The following RORB variants were observed in gnomAD, a reference collection of about 807,000 sequenced individuals.
The protein encoded by RORB is nuclear receptor ROR-beta.
In RORB, 6 loss-of-function variants were observed where a neutral mutation model predicts 59.1. That is an observed-to-expected ratio of 0.10 (90% confidence interval 0.06 to 0.20). The LOEUF is 0.20. Among genes scored for constraint, RORB ranks in the 10% least tolerant of loss-of-function variants. The pLI is 1.00. For synonymous variants in RORB, 215 were observed against 204.5 expected, an observed-to-expected ratio of 1.05 and a Z score of -0.44; for missense variants, 320 against 560.5, an observed-to-expected ratio of 0.57 and a Z score of 4.33.
At chr9:74,579,632 A>G (rs1397961004) in intron 1 of RORB, among the ~76,000 whole-genome samples, 1 of 152,136 alleles carries the variant, frequency 6.6e-6, no homozygotes, top group African/African-American at 2.4e-5. Flanking sequence ...GCAAACCTGA[A>G]CTTGAGAAAC....
intron 1 of RORB, among the ~76,000 whole-genome samples, chr9:74,559,230 T>A (rs982342810): frequency 2.6e-5 from 4 of 152,210 alleles, no homozygotes; most frequent in Non-Finnish European, 5.9e-5. Context: ...CCTTGTAGAT[T>A]TGTGTCTTTT....
chr9:74,665,915 G>A (rs1456432821), intron 7 of RORB, among the ~76,000 whole-genome samples: 2 of 152,186 alleles, frequency 1.3e-5, no homozygotes, highest in African/African-American at 2.4e-5. Flanking sequence ...GCCAAGGGGC[G>A]CAGATCACTT....
At position 74,691,566 on chromosome 9, in the gene RORB, T is replaced by C. The variant is rs1188810531; in HGVS notation, c.*5948T>C. The C allele has an allele frequency of 6.6e-6, 1 of 152,208 alleles. No homozygotes were observed. The highest frequency in any genetic ancestry group is 1.5e-5 in the Non-Finnish European group (1 of 68,038). The allele number at this position is 152,208 out of a possible 1,614,324, so 9.4% of individuals were successfully genotyped here. A position where few individuals can be genotyped will look rare whatever the true frequency, so the allele number is the denominator to read the frequency against. On this transcript the variant is annotated 3_prime_UTR_variant, in exon 10 of 10. Coordinates refer to ENST00000376896, the MANE Select transcript of RORB (RefSeq NM_006914.4). ...TTTTCAAATGTAATTACTTTTAATA[T>C]ATGCTTGTGGAAGGTCTAATACAAT...
chr9:74,543,331 A>G (rs925612358), intron 1 of RORB, among the ~76,000 whole-genome samples: 1 of 152,130 alleles, frequency 6.6e-6, no homozygotes. Flanking sequence ...GGTGTGGAAC[A>G]CCCCTTTGAG....
intron 1 of RORB, among the ~76,000 whole-genome samples, chr9:74,540,599 C>A (rs886737138): frequency 1.1e-4 from 17 of 151,970 alleles, no homozygotes; most frequent in Non-Finnish European, 5.9e-5. Flanking sequence ...TGTGATTTGG[C>A]ATTTTTTTAC....
intron 1 of RORB, among the ~76,000 whole-genome samples, chr9:74,626,288 T>C (rs536694324): frequency 5.1e-4 from 78 of 152,288 alleles, no homozygotes; most frequent in Non-Finnish European, 6.6e-4. Flanking sequence ...TGTTCTAATA[T>C]AAAGTAAAGC....
intron 1 of RORB, among the ~76,000 whole-genome samples, chr9:74,593,221 C>T (rs375438357): frequency 1.3e-5 from 2 of 152,124 alleles, no homozygotes; most frequent in Admixed American, 1.3e-4. Flanking sequence ...AATCCCAGCA[C>T]TTTGGGAGGC....
At position 74,497,862 on chromosome 9, in the gene RORB, G is replaced by A; in HGVS notation, c.-115G>A. On this transcript the variant is annotated 5_prime_UTR_variant, in exon 1 of 10. Coordinates refer to ENST00000376896, the MANE Select transcript of RORB (RefSeq NM_006914.4). Reference sequence around the variant, plus strand: ...GCCTAAAGGGATGGTTTTCTCGGCAGAGCAGCTCTTCGCCGACCACCTTCT... The same window carrying A: ...GCCTAAAGGGATGGTTTTCTCGGCAAAGCAGCTCTTCGCCGACCACCTTCT... 7.6e-7 allele frequency: 1 copy of A among 1,314,884 alleles called. No individual in the cohort carries two copies. The highest frequency in any genetic ancestry group is 2.0e-5 in the Admixed American group (1 of 50,520). The allele number at this position is 1,314,884 out of a possible 1,614,324, so 81.5% of individuals were successfully genotyped here.
rs1392712720 is a variant in RORB, at chr9:74,687,684, T to C, written c.*2066T>C. On this transcript the variant is annotated 3_prime_UTR_variant, in exon 10 of 10. Coordinates refer to ENST00000376896, the MANE Select transcript of RORB (RefSeq NM_006914.4). ...GCTACAGGGACTCAATTCTTTTTGG[T>C]GTAAATGTCACTCCTGCTAGCTCTT... 1 of 152,194 alleles carries C rather than the reference T, an allele frequency of 6.6e-6. No individual in the cohort carries two copies. The highest frequency in any genetic ancestry group is 1.5e-5 in the Non-Finnish European group (1 of 68,030). The allele number at this position is 152,194 out of a possible 1,614,324, so 9.4% of individuals were successfully genotyped here.
intron 1 of RORB, among the ~76,000 whole-genome samples, chr9:74,623,701 G>T (rs1173907509): frequency 9.9e-5 from 15 of 152,146 alleles, no homozygotes; most frequent in Non-Finnish European, 1.5e-5. Context: ...GTGGTAGTCT[G>T]CAGTTTTACC....
intron 1 of RORB, among the ~76,000 whole-genome samples, chr9:74,604,096 T>A (rs1823112732): frequency 6.6e-6 from 1 of 152,218 alleles, no homozygotes; most frequent in South Asian, 2.1e-4. Context: ...ACAATTATTT[T>A]AAAAATGTCC....
intron 1 of RORB, among the ~76,000 whole-genome samples, chr9:74,542,153 A>G (rs1206407482): frequency 2.6e-5 from 4 of 152,168 alleles, no homozygotes; most frequent in Admixed American, 2.0e-4. Flanking sequence ...ACAATCAAAA[A>G]TGACAAAAAC....
Position 74,689,802 on chromosome 9 carries a change from G to A in RORB, c.*4184G>A, listed in dbSNP as rs1304744255. ...GGCAAAAACAATTCTTGGGTCCCAA[G>A]GACAACCTAAAACTTACCAGCTTTT... On this transcript the variant is annotated 3_prime_UTR_variant, in exon 10 of 10. Transcript: ENST00000376896. The A allele has an allele frequency of 6.6e-6, 1 of 152,146 alleles. No individual in the cohort carries two copies. Among genetic ancestry groups the A allele is most frequent in the Non-Finnish European group, 1.5e-5 (1 of 68,028 alleles). The allele number at this position is 152,146 out of a possible 1,614,324, so 9.4% of individuals were successfully genotyped here. A position where few individuals can be genotyped will look rare whatever the true frequency, so the allele number is the denominator to read the frequency against.
chr9:74,658,767 CTATTTT>C (rs1683942570), intron 4 of RORB, among the ~76,000 whole-genome samples: 1 of 152,118 alleles, frequency 6.6e-6, no homozygotes, highest in African/African-American at 2.4e-5. Context: ...ACATACCAAT[CTATTTT>C]AATATGATGG....
intron 4 of RORB, among the ~76,000 whole-genome samples, chr9:74,656,504 G>C (rs1038903750): frequency 6.6e-6 from 1 of 152,230 alleles, no homozygotes; most frequent in Non-Finnish European, 1.5e-5. Context: ...GGGAAGCCAA[G>C]GTGGGCAGAT....
chr9:74,671,964 C>T (rs991283829), intron 9 of RORB, 63 bp downstream of exon 9: 4 of 840,258 alleles, frequency 4.8e-6, no homozygotes, highest in African/African-American at 3.5e-5. Context: ...AAAAGGACTG[C>T]TTATAAATCA....
At chr9:74,555,002 G>A (rs140540399) in intron 1 of RORB, among the ~76,000 whole-genome samples, 3 of 152,322 alleles carry the variant, frequency 2.0e-5, no homozygotes, top group East Asian at 1.9e-4. Context: ...AAACGTGGGC[G>A]CAGAAGCAAA....
chr9:74,638,148 G>A (rs567140972), intron 3 of RORB, among the ~76,000 whole-genome samples: 4 of 152,248 alleles, frequency 2.6e-5, no homozygotes, highest in Admixed American at 6.5e-5. Flanking sequence ...CTTTACAACC[G>A]AAGGTAGTAG....
chr9:74,584,430 A>T (rs1044107796), intron 1 of RORB, among the ~76,000 whole-genome samples: 1 of 152,252 alleles, frequency 6.6e-6, no homozygotes, highest in Admixed American at 6.5e-5. Context: ...TGTTGTGAAG[A>T]TTAAATGAGA....
Sources: gnomAD v4.1 joint callset for allele counts (sites outside exome capture counted in the v4.1 genomes callset) on GRCh38, gnomAD v4.1.1 for gene constraint, MANE v1.5 for transcripts, NCBI Gene and HGNC (gene_info 2026-07-23, HGNC 2026-07-21) for gene names.